LRBA: variants seen among roughly 807,000 people sequenced by gnomAD.
LRBA encodes LPS responsive beige-like anchor protein, also known as lipopolysaccharide-responsive and beige-like anchor protein.
Under a neutral mutation model 330.0 loss-of-function variants are expected in LRBA, and 176 were observed. That is an observed-to-expected ratio of 0.53 (90% CI 0.47 to 0.60). LRBA has a LOEUF of 0.60. Among genes scored for constraint, LRBA ranks in the 20% least tolerant of loss-of-function variants. The pLI is 0.00. For missense variants in LRBA, 3,259 were observed against 3,444.8 expected (o/e 0.95, Z 1.35); for synonymous variants, 1,230 against 1,193.0 (o/e 1.03, Z -0.64).
At chr4:150,728,166 T>C (rs990062732) in intron 36 of LRBA, among the ~76,000 whole-genome samples, 2 of 152,010 alleles carry the variant, frequency 1.3e-5, no homozygotes, top group Non-Finnish European at 2.9e-5. Context: ...CATTAAGAAA[T>C]CTAAAACCTA....
chr4:150,899,222 T>C (rs1433411787), intron 14 of LRBA, among the ~76,000 whole-genome samples: 1 of 152,172 alleles, frequency 6.6e-6, no homozygotes, highest in East Asian at 1.9e-4. Flanking sequence ...AAAGAGACTT[T>C]CACTGGAAAT....
chr4:150,851,799 CA>C, intron 23 of LRBA, 85 bp downstream of exon 23: 1 of 1,350,912 alleles, frequency 7.4e-7, no homozygotes, highest in Non-Finnish European at 9.7e-7. Flanking sequence ...GAACCAAATT[CA>C]AAATAAAATA....
chr4:150,805,454 A>AAAGGAAAGGG lies in LRBA; in HGVS notation c.5518+816_5518+817insCCCTTTCCTT, dbSNP rs746557697. On this transcript the variant is annotated intron_variant, in intron 33 of 56. Transcript: ENST00000651943. ...AAAGGAAAGGAAGGAAAGGGAAAGGAAAGGAAAGGAAAGGAAAGGAAAGGA... is the reference window on the plus strand; with the variant it reads ...AAAGGAAAGGAAGGAAAGGGAAAGGAAAGGAAAGGGAAGGAAAGGAAAGGAAAGGAAAGGA... Among the ~76,000 whole-genome samples, 112 of 95,250 alleles carry AAAGGAAAGGG rather than the reference A, an allele frequency of 1.2e-3. 4 individuals are homozygous for AAAGGAAAGGG. Among genetic ancestry groups the AAAGGAAAGGG allele is most frequent in the Non-Finnish European group, 8.9e-4 (43 of 48,360 alleles). 62.5% of individuals were successfully genotyped at this position (95,250 alleles called of 152,430 possible).
chr4:150,535,556 C>A (rs1157462317), intron 40 of LRBA, among the ~76,000 whole-genome samples: 1 of 152,132 alleles, frequency 6.6e-6, no homozygotes, highest in Non-Finnish European at 1.5e-5. Flanking sequence ...TTACAATTCA[C>A]GCAAGAACAG....
chr4:150,609,707 G>C (rs1198888955), intron 37 of LRBA, among the ~76,000 whole-genome samples: 1 of 152,150 alleles, frequency 6.6e-6, no homozygotes, highest in Non-Finnish European at 1.5e-5. Context: ...GGTTAATATT[G>C]ATCTCCTCTT....
chr4:150,931,037 G>C (rs1327550988), intron 2 of LRBA, among the ~76,000 whole-genome samples: 1 of 152,058 alleles, frequency 6.6e-6, no homozygotes, highest in Non-Finnish European at 1.5e-5. Flanking sequence ...TAAATATGTT[G>C]TTTGTAAATT....
chr4:150,489,639 AAT>A (rs1491557173), intron 41 of LRBA, among the ~76,000 whole-genome samples: 1 of 109,008 alleles, frequency 9.2e-6, no homozygotes, highest in African/African-American at 3.4e-5. Flanking sequence ...AATATATAAG[AAT>A]ATATAATATA....
chr4:150,843,995 G>T, intron 28 of LRBA, 105 bp downstream of exon 28: 1 of 641,744 alleles, frequency 1.6e-6, no homozygotes, highest in Non-Finnish European at 2.7e-6. Flanking sequence ...TTCTATCTCT[G>T]CTCCACTATT....
intron 48 of LRBA, among the ~76,000 whole-genome samples, chr4:150,334,321 C>A (rs1329376754): frequency 6.6e-6 from 1 of 151,854 alleles, no homozygotes; most frequent in Non-Finnish European, 1.5e-5. Context: ...AGGATATTTT[C>A]AATGAAATTT....
intron 34 of LRBA, among the ~76,000 whole-genome samples, chr4:150,793,501 A>C (rs145056215): frequency 8.9e-4 from 135 of 152,348 alleles, no homozygotes; most frequent in African/African-American, 3.1e-3. Context: ...CAAAGTCCAA[A>C]ATATGGTGAC....
At chr4:150,874,487 G>A (rs1753785317) in intron 17 of LRBA, among the ~76,000 whole-genome samples, 1 of 152,196 alleles carries the variant, frequency 6.6e-6, no homozygotes, top group Non-Finnish European at 1.5e-5. Context: ...AGCAGTAGGT[G>A]TTATAATTGT....
chr4:150,741,710 A>ATGCATAACATATGT (rs1250012590), intron 35 of LRBA, among the ~76,000 whole-genome samples: 5 of 152,160 alleles, frequency 3.3e-5, no homozygotes, highest in Non-Finnish European at 7.4e-5. Flanking sequence ...ATGCATAACA[A>ATGCATAACATATGT]TATGAATTTC....
intron 5 of LRBA, among the ~76,000 whole-genome samples, chr4:150,917,096 T>G (rs921401378): frequency 6.6e-6 from 1 of 151,516 alleles, no homozygotes; most frequent in Non-Finnish European, 1.5e-5. Flanking sequence ...GAGTTTGCAG[T>G]GAGCCGAGAC....
intron 47 of LRBA, among the ~76,000 whole-genome samples, chr4:150,401,301 G>C (rs1414303882): frequency 6.6e-6 from 1 of 152,168 alleles, no homozygotes; most frequent in Non-Finnish European, 1.5e-5. Context: ...GCAGTTTGTG[G>C]GACAGTAATT....
At chr4:150,573,343 A>G (rs1770109426) in intron 40 of LRBA, among the ~76,000 whole-genome samples, 1 of 152,144 alleles carries the variant, frequency 6.6e-6, no homozygotes, top group Non-Finnish European at 1.5e-5. Flanking sequence ...ACAAATAGCA[A>G]TGCATTTCTC....
intron 22 of LRBA, among the ~76,000 whole-genome samples, chr4:150,866,507 A>G (rs1251784989): frequency 1.3e-5 from 2 of 152,248 alleles, no homozygotes; most frequent in East Asian, 3.8e-4. Context: ...GGTGATGTGA[A>G]GCAATGAGAA....
intron 2 of LRBA, among the ~76,000 whole-genome samples, chr4:150,941,278 G>A (rs529379546): frequency 2.0e-4 from 31 of 151,928 alleles, no homozygotes; most frequent in East Asian, 1.9e-3. Context: ...TCAGCCTCCC[G>A]AGTAGCTGGG....
intron 42 of LRBA, among the ~76,000 whole-genome samples, chr4:150,485,662 C>G (rs1329609126): frequency 6.6e-6 from 1 of 151,854 alleles, no homozygotes; most frequent in Admixed American, 6.6e-5. Context: ...ATCCTTCCCT[C>G]ATAGCCCTCA....
chr4:150,417,329 CAA>C (rs1747923555), intron 46 of LRBA, among the ~76,000 whole-genome samples: 1 of 151,700 alleles, frequency 6.6e-6, no homozygotes, highest in South Asian at 2.1e-4. Context: ...TTAATTTGCC[CAA>C]GTGTGTATTC....
Sources: gnomAD v4.1 joint callset for allele counts (sites outside exome capture counted in the v4.1 genomes callset) on GRCh38, gnomAD v4.1.1 for gene constraint, MANE v1.5 for transcripts, NCBI Gene and HGNC (gene_info 2026-07-23, HGNC 2026-07-21) for gene names.